Variants in LGALS8 observed in about 807,000 individuals in gnomAD.
LGALS8 encodes galectin 8.
LGALS8 carries 30 observed loss-of-function variants against 35.9 expected under a neutral mutation model. That is an observed-to-expected ratio of 0.83 (90% CI 0.62 to 1.13). The LOEUF is 1.13. LGALS8 is among the 50% of genes most tolerant of loss of function. The probability of loss-of-function intolerance (pLI) is 0.00; values close to 1 mark genes in which losing one functional copy is unlikely to be tolerated. For missense variants in LGALS8, 366 were observed against 388.7 expected, an observed-to-expected ratio of 0.94 and a Z score of 0.49; for synonymous variants, 138 against 136.1, an observed-to-expected ratio of 1.01 and a Z score of -0.10.
At position 236,537,192 on chromosome 1, in the gene LGALS8, T is replaced by C. The variant is rs1363342193; in HGVS notation, c.46-305T>C. Reference sequence around the variant, plus strand: ...CCACCACACCCGGCTAATTTTTGTATTTTTAGTAGAGACGGGGTTTCACCG... The same window carrying C: ...CCACCACACCCGGCTAATTTTTGTACTTTTAGTAGAGACGGGGTTTCACCG... On this transcript the variant is annotated intron_variant, in intron 2 of 9. Transcript: ENST00000366584. 7.9e-5 allele frequency among the ~76,000 whole-genome samples: 12 copies of C among 151,962 alleles called. No homozygotes were observed. In the East Asian group the frequency reaches 2.1e-3, roughly 27 times the overall value.
upstream of LGALS8, among the ~76,000 whole-genome samples, chr1:236,519,222 C>T (rs1558150637): frequency 1.7e-5 from 1 of 58,998 alleles, no homozygotes; most frequent in Non-Finnish European, 2.7e-5. Flanking sequence ...GACCCCATCA[C>T]TACCAAAAAA....
At position 236,552,809 on chromosome 1, in the gene LGALS8, T is replaced by C. The variant is rs1421170339; in HGVS notation, c.*4648T>C. ...GAATTATTAAAAAACCATTTGTAAC[T>C]ACCTAGATTCAATCAGGATTTCCTT... On this transcript the variant is annotated 3_prime_UTR_variant, in exon 10 of 10. Transcript: ENST00000366584. 2 of 152,204 alleles carry C rather than the reference T, an allele frequency of 1.3e-5. No homozygotes were observed. The highest frequency in any genetic ancestry group is 4.8e-5 in the African/African-American group (2 of 41,446). 9.4% of individuals were successfully genotyped at this position (152,204 alleles called of 1,614,324 possible).
At chr1:236,531,348 G>A (rs1466876357) in intron 2 of LGALS8, among the ~76,000 whole-genome samples, 5 of 152,074 alleles carry the variant, frequency 3.3e-5, no homozygotes, top group African/African-American at 1.2e-4. Flanking sequence ...TTTTGAGACA[G>A]AGTCTTGCTC....
intron 9 of LGALS8, among the ~76,000 whole-genome samples, chr1:236,547,564 C>G (rs1055305380): frequency 7.1e-6 from 1 of 139,868 alleles, no homozygotes; most frequent in Non-Finnish European, 1.6e-5. Context: ...AAAAGTCAGT[C>G]AGGATCCAAG....
At chr1:236,523,470 G>A (rs1660616690), upstream of LGALS8, 1 of 157,308 alleles carries the variant, frequency 6.4e-6, no homozygotes, top group Non-Finnish European at 1.4e-5. Flanking sequence ...CGAGGAAGCT[G>A]AGAAAACCCT....
chr1:236,537,450 GTAAT>G (rs773719316), intron 2 of LGALS8, 43 bp from the exon 3 acceptor site: 4 of 1,177,568 alleles, frequency 3.4e-6, no homozygotes, highest in Middle Eastern at 1.9e-4. Flanking sequence ...TGCTTAGTAA[GTAAT>G]TTTGTTTATG....
chr1:236,551,727 A>G lies in LGALS8; in HGVS notation c.*3566A>G. Reference sequence around the variant, plus strand: ...TACTGTAATCTGCTTGTATGATCACAAACCACCACAAAAGAAAAGATCGTG... The same window carrying G: ...TACTGTAATCTGCTTGTATGATCACGAACCACCACAAAAGAAAAGATCGTG... On this transcript the variant is annotated 3_prime_UTR_variant, in exon 10 of 10. Coordinates refer to ENST00000366584, the MANE Select transcript of LGALS8 (RefSeq NM_201544.4). The G allele has an allele frequency of 1.7e-5, 6 of 344,178 alleles. No homozygotes were observed. The highest frequency in any genetic ancestry group is 8.2e-4 in the Middle Eastern group (1 of 1,220). The allele number at this position is 344,178 out of a possible 1,614,324, so 21.3% of individuals were successfully genotyped here.
intron 4 of LGALS8, chr1:236,539,348 C>T (rs1007528207): frequency 4.3e-6 from 2 of 467,472 alleles, no homozygotes; most frequent in East Asian, 3.8e-5. Context: ...TTTCTCCTAG[C>T]AGGGCTGAGT....
rs985916312 is a variant in LGALS8 at position 236,526,876 on chromosome 1, A to C, written c.45+761A>C. Among the ~76,000 whole-genome samples, 1 of 152,160 alleles carries C rather than the reference A, an allele frequency of 6.6e-6. No homozygotes were observed. The highest frequency in any genetic ancestry group is 1.5e-5 in the Non-Finnish European group (1 of 68,032). ...AGTTTTGTTAGTGTGTGTGGGTTCA[A>C]GTTTTTGTCATTTACTTTATAGCTG... On this transcript the variant is annotated intron_variant, in intron 2 of 9. Transcript: ENST00000366584. The surrounding 1 kb of genome is among the most constrained non-coding windows in gnomAD (Gnocchi z 4.6).
chr1:236,524,841 T>TC (rs1422104064), intron 1 of LGALS8: 2 of 191,522 alleles, frequency 1.0e-5, no homozygotes. Flanking sequence ...ATTAAGTTAA[T>TC]GACATGGGGC....
chr1:236,550,726 G>T lies in LGALS8; in HGVS notation c.*2565G>T, dbSNP rs918155035. 5.4e-6 allele frequency: 3 copies of T among 551,626 alleles called. No homozygotes were observed. In the Admixed American group the frequency reaches 1.1e-4, roughly 20 times the overall value. The allele number at this position is 551,626 out of a possible 1,614,324, so 34.2% of individuals were successfully genotyped here. ...CAGCTCTATACGATAGGCAGGAGAG[G>T]CTTATGTGGCAGCACAAGCCAGGTG... On this transcript the variant is annotated 3_prime_UTR_variant, in exon 10 of 10. Transcript: ENST00000366584.
chr1:236,545,040 T>TG, intron 9 of LGALS8, 125 bp downstream of exon 9: 2 of 714,364 alleles, frequency 2.8e-6, no homozygotes, highest in Non-Finnish European at 4.4e-6. Flanking sequence ...TTTGTTTACT[T>TG]GGAGATTGTA....
chr1:236,539,589 G>GCA (rs1661821426), intron 4 of LGALS8, among the ~76,000 whole-genome samples: 1 of 139,802 alleles, frequency 7.2e-6, no homozygotes, highest in Non-Finnish European at 1.6e-5. Context: ...CTTGTACCTA[G>GCA]CGTGTATGTG....
At chr1:236,535,216 T>A (rs1661406970) in intron 2 of LGALS8, among the ~76,000 whole-genome samples, 1 of 152,056 alleles carries the variant, frequency 6.6e-6, no homozygotes, top group Non-Finnish European at 1.5e-5. Flanking sequence ...TGAAAATATA[T>A]GAAGAAAAAA....
At chr1:236,543,071 A>G (rs2758175) in intron 7 of LGALS8, 1,055,605 of 1,599,234 alleles carry the variant, frequency 0.66, 354,350 homozygotes, top group Non-Finnish European at 0.7. Flanking sequence ...TCTTAACTCT[A>G]TATAAAAATT....
At chr1:236,546,184 C>T (rs1662349503) in intron 9 of LGALS8, among the ~76,000 whole-genome samples, 1 of 152,126 alleles carries the variant, frequency 6.6e-6, no homozygotes, top group Non-Finnish European at 1.5e-5. Flanking sequence ...ACATTCCAGG[C>T]ATTTTTTTGC....
intron 7 of LGALS8, 79 bp from the exon 8 acceptor site, chr1:236,543,481 G>T: frequency 9.7e-7 from 1 of 1,032,906 alleles, no homozygotes; most frequent in Non-Finnish European, 1.5e-6. Flanking sequence ...GAAACATTCC[G>T]TAGTGTTCTT....
At chr1:236,540,759 AC>A in intron 5 of LGALS8, 76 bp downstream of exon 5, 1 of 1,410,770 alleles carries the variant, frequency 7.1e-7, no homozygotes, top group Non-Finnish European at 9.6e-7. Context: ...TCTTCAAATA[AC>A]ACTTCTATTG....
intron 1 of LGALS8, chr1:236,524,519 C>T (rs1245268996): frequency 6.9e-6 from 3 of 437,588 alleles, no homozygotes; most frequent in South Asian, 4.7e-5. Context: ...GCCTCTAACA[C>T]GCTCTTTAGG....
Sources: gnomAD v4.1 joint callset for allele counts (sites outside exome capture counted in the v4.1 genomes callset) on GRCh38, gnomAD v4.1.1 for gene constraint, Gnocchi (gnomAD v3.1) non-coding constraint, MANE v1.5 for transcripts, NCBI Gene and HGNC (gene_info 2026-07-23, HGNC 2026-07-21) for gene names.